The following CAVIN4 variants were observed in gnomAD, a reference collection of about 807,000 sequenced individuals.
CAVIN4 encodes the protein caveolae associated protein 4.
CAVIN4 carries 10 observed loss-of-function variants against 18.6 expected under a neutral mutation model. The observed-to-expected ratio is 0.54, with a 90% CI of 0.33 to 0.91. The LOEUF (loss-of-function observed/expected upper bound fraction) is 0.91. Among genes scored for constraint, CAVIN4 ranks in the 40% least tolerant of loss-of-function variants. The pLI, the probability that CAVIN4 is intolerant of heterozygous loss-of-function variation, is 0.02. For missense variants in CAVIN4, 459 were observed against 440.5 expected (o/e 1.04, Z -0.38); for synonymous variants, 173 against 164.8 (o/e 1.05, Z -0.38).
chr9:100,583,772 G>A (rs929679626), intron 1 of CAVIN4, among the ~76,000 whole-genome samples: 5 of 151,990 alleles, frequency 3.3e-5, no homozygotes, highest in Admixed American at 6.6e-5. Flanking sequence ...TCAGCCTCCC[G>A]AGTAGATGGG....
At chr9:100,579,895 G>A (rs542063830) in intron 1 of CAVIN4, among the ~76,000 whole-genome samples, 1 of 152,250 alleles carries the variant, frequency 6.6e-6, no homozygotes, top group South Asian at 2.1e-4. Context: ...TGACTGATAA[G>A]GTTACACTGG....
In CAVIN4 at chr9:100,588,236, G is replaced by C. The variant is rs904982459; in HGVS notation, c.*1785G>C. Among the ~76,000 whole-genome samples the C allele has an allele frequency of 6.6e-6, 1 of 152,104 alleles. No homozygotes were observed. Among genetic ancestry groups the C allele is most frequent in the African/African-American group, 2.4e-5 (1 of 41,420 alleles). The stretch of plus-strand genomic sequence containing the variant: ...ATGAAATCATAATATCGTTCATGTT[G>C]TTACCTTTTTATATTGAAAACTAAA... On this transcript the variant is annotated 3_prime_UTR_variant, in exon 2 of 2. Coordinates refer to ENST00000307584, the MANE Select transcript of CAVIN4 (RefSeq NM_001018116.2).
chr9:100,578,926 A>G (rs1314349930), intron 1 of CAVIN4, among the ~76,000 whole-genome samples: 2 of 152,160 alleles, frequency 1.3e-5, no homozygotes, highest in African/African-American at 4.8e-5. Flanking sequence ...CTAGTTTAAA[A>G]CACTTCTTTG....
At position 100,586,276 on chromosome 9, in the gene CAVIN4, G is replaced by A; in HGVS notation, c.920G>A (p.Ser307Asn). ...AGGAGCGAGTCTCTGGGCCCCATCA[G>A]TGAGCTCTACTCTGATGAGCTCAGT... Reference protein sequence around the residue: ...IARSESLGPISELYSDELSEP... With the variant: ...IARSESLGPINELYSDELSEP... Residue 307 changes from serine to asparagine, a missense_variant, in exon 2 of 2, where the codon AGT (serine) becomes AAT (asparagine). Ser to Asn is a conservative substitution (Grantham distance 46). Coordinates refer to ENST00000307584, the MANE Select transcript of CAVIN4 (RefSeq NM_001018116.2). 1 of 1,597,632 alleles carries A rather than the reference G, an allele frequency of 6.3e-7. No individual in the cohort carries two copies. Among genetic ancestry groups the A allele is most frequent in the East Asian group, 2.2e-5 (1 of 44,638 alleles).
At chr9:100,580,969 G>A (rs1839420078) in intron 1 of CAVIN4, 1 of 152,134 alleles carries the variant, frequency 6.6e-6, no homozygotes, top group Non-Finnish European at 1.5e-5. Flanking sequence ...TATATAAATG[G>A]TTATATTGAG....
chr9:100,577,477 G>A (rs1231786947), upstream of CAVIN4: 1 of 152,534 alleles, frequency 6.6e-6, no homozygotes, highest in African/African-American at 2.4e-5. Flanking sequence ...TAGATTGTTG[G>A]TGTTTAAAGA....
At position 100,581,813 on chromosome 9, in the gene CAVIN4, G is replaced by A. The variant is rs755378976; in HGVS notation, c.408+3262G>A. Reference sequence around the variant, plus strand: ...TTTTCTAATTATACCCTCTCAGGCCGTGCCAACCCACATTGTGTTGCTGAA... The same window carrying A: ...TTTTCTAATTATACCCTCTCAGGCCATGCCAACCCACATTGTGTTGCTGAA... On this transcript the variant is annotated intron_variant, in intron 1 of 1. Transcript: ENST00000307584. Among the ~76,000 whole-genome samples, 36 of 151,986 alleles carry A rather than the reference G, an allele frequency of 2.4e-4. 1 individual carries two copies. Among genetic ancestry groups the A allele is most frequent in the Admixed American group, 2.2e-3 (34 of 15,264 alleles).
intron 1 of CAVIN4, 82 bp downstream of exon 1, chr9:100,578,633 G>A (rs1839396983): frequency 2.3e-6 from 3 of 1,328,056 alleles, no homozygotes; most frequent in Admixed American, 3.4e-5. Flanking sequence ...GAGGTTTCCA[G>A]TGTCACATCT....
rs12003457 is a variant in CAVIN4, at chr9:100,584,380, T to C, written c.409-1385T>C. Among the ~76,000 whole-genome samples, 1,378 of 152,358 alleles carry C rather than the reference T, an allele frequency of 9.0e-3. 23 individuals are homozygous for C. The highest frequency in any genetic ancestry group is 0.032 in the African/African-American group (1,310 of 41,572). Reference sequence around the variant, plus strand: ...TAGAACCAGAAAATTTACTGGTTTGTGGTGTTGCTTAATAACTTTGTTGAA... The same window carrying C: ...TAGAACCAGAAAATTTACTGGTTTGCGGTGTTGCTTAATAACTTTGTTGAA... On this transcript the variant is annotated intron_variant, in intron 1 of 1. Coordinates refer to ENST00000307584, the MANE Select transcript of CAVIN4 (RefSeq NM_001018116.2).
chr9:100,587,891 A>AAAAAAAAG lies in CAVIN4; in HGVS notation c.*1453_*1460dup, dbSNP rs931993681. 2 of 149,372 alleles carry AAAAAAAAG rather than the reference A, an allele frequency of 1.3e-5. No individual in the cohort carries two copies. Among genetic ancestry groups the AAAAAAAAG allele is most frequent in the African/African-American group, 4.9e-5 (2 of 41,046 alleles). 9.3% of individuals were successfully genotyped at this position (149,372 alleles called of 1,614,324 possible). Reference sequence around the variant, plus strand: ...GGCAAAAGAGCCAGACTCTGTTTCAAAAAAAAAGAAAAAAAGAAAAGAAAG... The same window carrying AAAAAAAAG: ...GGCAAAAGAGCCAGACTCTGTTTCAAAAAAAAAGAAAAAAAGAAAAAAAGAAAAGAAAG... On this transcript the variant is annotated 3_prime_UTR_variant, in exon 2 of 2. Transcript: ENST00000307584.
In CAVIN4 at chr9:100,586,084, AG is replaced by A. The variant is rs781273271; in HGVS notation, c.729del (p.Gln243HisfsTer6). 1.9e-6 allele frequency: 3 copies of A among 1,611,896 alleles called. No individual in the cohort carries two copies. Among genetic ancestry groups the A allele is most frequent in the Non-Finnish European group, 2.5e-6 (3 of 1,178,546 alleles). ...RLRQSGERLRQSGERLRQSGE... is the reference protein window; with the variant it reads ...RLRQSGERLRXSGERLRQSGE... ...AGGCAGTCAGGAGAGAGGCTGAGAC[AG>A]TCAGGGGAGAGGCTGAGACAGTCAG... is the stretch of plus-strand genomic sequence containing the variant. On this transcript the variant is annotated frameshift_variant, in exon 2 of 2. Coordinates refer to ENST00000307584, the MANE Select transcript of CAVIN4 (RefSeq NM_001018116.2).
rs772342107 is a variant in CAVIN4 at position 100,586,029 on chromosome 9, A to G, written c.673A>G (p.Ile225Val). 5 of 1,614,092 alleles carry G rather than the reference A, an allele frequency of 3.1e-6. No homozygotes were observed. In the African/African-American group the frequency reaches 6.7e-5, roughly 22 times the overall value. Residue 225 changes from isoleucine (I) to valine (V), a missense_variant, in exon 2 of 2, where the codon ATA becomes GTA. Ile to Val is a conservative substitution (Grantham distance 29). Coordinates refer to ENST00000307584, the MANE Select transcript of CAVIN4 (RefSeq NM_001018116.2). ...GAAAGTGAACAGAATTAGAACTAGA[A>G]TAGTGACCCCGGAGAGGAGAGAGAG... ...DKKVNRIRTR[I>V]VTPERRERLR...
Position 100,585,990 on chromosome 9 carries a change from C to A in CAVIN4, c.634C>A (p.Gln212Lys), listed in dbSNP as rs1281342599. 1 of 1,613,946 alleles carries A rather than the reference C, an allele frequency of 6.2e-7. No homozygotes were observed. The highest frequency in any genetic ancestry group is 8.5e-7 in the Non-Finnish European group (1 of 1,180,042). Residue 212 changes from glutamine (Q) to lysine (K), a missense_variant, in exon 2 of 2, where the codon CAG becomes AAG. By Grantham distance (53) the Gln-to-Lys change is moderately conservative. Transcript: ENST00000307584. The stretch of plus-strand genomic sequence containing the variant: ...CAAAGAAAACATGCAGAAGACACGG[C>A]AGAATCTTGACAAGAAAGTGAACAG... ...FSKENMQKTR[Q>K]NLDKKVNRIR...
intron 1 of CAVIN4, chr9:100,581,520 A>G (rs914382836): frequency 1.3e-5 from 2 of 152,234 alleles, no homozygotes; most frequent in East Asian, 1.9e-4. Flanking sequence ...ATAATTCAAC[A>G]TCTACAATCT....
upstream of CAVIN4, chr9:100,577,950 C>G (rs943442420): frequency 3.6e-5 from 20 of 559,884 alleles, no homozygotes; most frequent in Admixed American, 5.9e-5. Context: ...TGGAACAGTC[C>G]CCGGTGCTTT....
intron 1 of CAVIN4, 46 bp from the exon 2 acceptor site, chr9:100,585,709 AGCTGCTCTAT>A: frequency 1.5e-6 from 2 of 1,367,596 alleles, no homozygotes. Context: ...AAGGTAAAAG[AGCTGCTCTAT>A]AGTGCAAAGG....
intron 1 of CAVIN4, 56 bp downstream of exon 1, chr9:100,578,607 G>T: frequency 3.9e-6 from 6 of 1,557,558 alleles, no homozygotes; most frequent in Non-Finnish European, 5.3e-6. Context: ...TCTTTTAATT[G>T]CCAAAAGTCA....
chr9:100,579,922 T>C (rs977443573), intron 1 of CAVIN4, among the ~76,000 whole-genome samples: 3 of 152,024 alleles, frequency 2.0e-5, no homozygotes, highest in African/African-American at 7.3e-5. Context: ...GGAGTGGTAT[T>C]TTAGGTCTGT....
In CAVIN4 at chr9:100,588,071, TATG is replaced by T. The variant is rs963894730; in HGVS notation, c.*1621_*1623del. On this transcript the variant is annotated 3_prime_UTR_variant, in exon 2 of 2. Transcript: ENST00000307584. ...TTTCAGATCAGTTTTTGGATAATCATATGGTAGTTAAAATAATAAGTGTACACA... is the reference window on the plus strand; with the variant it reads ...TTTCAGATCAGTTTTTGGATAATCATGTAGTTAAAATAATAAGTGTACACA... 6.6e-6 allele frequency among the ~76,000 whole-genome samples: 1 copy of T among 152,172 alleles called. No homozygotes were observed. Among genetic ancestry groups the T allele is most frequent in the African/African-American group, 2.4e-5 (1 of 41,448 alleles).
Sources: gnomAD v4.1 joint callset for allele counts (sites outside exome capture counted in the v4.1 genomes callset) on GRCh38, gnomAD v4.1.1 for gene constraint, MANE v1.5 for transcripts, NCBI Gene and HGNC (gene_info 2026-07-23, HGNC 2026-07-21) for gene names.